TUSC3: variants seen among roughly 807,000 people sequenced by gnomAD.
The protein encoded by TUSC3 is tumor suppressor candidate 3.
TUSC3 carries 45 observed loss-of-function variants against 44.8 expected under a neutral mutation model. The observed-to-expected ratio is 1.00, with a 90% CI of 0.79 to 1.29. TUSC3 has a LOEUF of 1.29. Among genes scored for constraint, TUSC3 ranks in the 50% most tolerant of loss-of-function variants. The pLI is 0.00. For missense variants in TUSC3, 519 were observed against 437.9 expected (o/e 1.19, Z -1.65); for synonymous variants, 212 against 152.9 (o/e 1.39, Z -2.85).
intron 3 of TUSC3, among the ~76,000 whole-genome samples, chr8:15,652,757 A>T (rs1806970558): frequency 6.6e-6 from 1 of 152,134 alleles, no homozygotes; most frequent in South Asian, 2.1e-4. Flanking sequence ...GTATACTTGA[A>T]TCCTCTCTAT....
downstream of TUSC3, among the ~76,000 whole-genome samples, chr8:15,768,257 G>C (rs1247257741): frequency 2.6e-5 from 4 of 152,040 alleles, no homozygotes; most frequent in African/African-American, 9.7e-5. Flanking sequence ...ACATGTGACA[G>C]TTTAGAAAAG....
rs111959008 is a variant in TUSC3, at chr8:15,467,625, G to A, written n.92-15761G>A. ...TGCGCCTTGGGAAAACACTGATTTG[G>A]TTTCTATTGGAAACTGCTGTCCATG... On this transcript the variant is annotated intron_variant and non_coding_transcript_variant, in intron 1 of 5. Transcript: ENST00000503191. Among the ~76,000 whole-genome samples, 50 of 152,218 alleles carry A rather than the reference G, an allele frequency of 3.3e-4. 1 individual carries two copies. Among genetic ancestry groups the A allele is most frequent in the African/African-American group, 1.1e-3 (47 of 41,556 alleles).
At chr8:15,638,882 C>G (rs1004491026) in intron 2 of TUSC3, among the ~76,000 whole-genome samples, 1 of 152,082 alleles carries the variant, frequency 6.6e-6, no homozygotes, top group Admixed American at 6.5e-5. Context: ...TGCTAGATCA[C>G]GTGATGTTCA....
chr8:15,811,507 C>T, the TUSC3 span, among the ~76,000 whole-genome samples: 2 of 152,196 alleles, frequency 1.3e-5, no homozygotes, highest in African/African-American at 2.4e-5. Context: ...CTTCAGCCAG[C>T]TGTCAAGGAG....
intron 1 of TUSC3, among the ~76,000 whole-genome samples, chr8:15,541,075 A>T (rs1801674676): frequency 1.3e-5 from 2 of 152,090 alleles, no homozygotes; most frequent in Admixed American, 1.3e-4. Context: ...ATAAGCTTGC[A>T]TTTTTTATTT....
intron 2 of TUSC3, among the ~76,000 whole-genome samples, chr8:15,512,885 T>TATATATATAC (rs1358169360): frequency 1.1e-4 from 15 of 142,838 alleles, no homozygotes; most frequent in African/African-American, 3.2e-4. Context: ...TATATATATA[T>TATATATATAC]ACACACAATT....
chr8:15,664,919 C>T (rs1001281921), intron 5 of TUSC3, among the ~76,000 whole-genome samples: 3 of 150,920 alleles, frequency 2.0e-5, no homozygotes, highest in Non-Finnish European at 4.4e-5. Flanking sequence ...CCACCATTAC[C>T]ATCACCACCA....
intron 1 of TUSC3, among the ~76,000 whole-genome samples, chr8:15,440,120 C>T (rs1800001463): frequency 6.6e-6 from 1 of 152,136 alleles, no homozygotes; most frequent in South Asian, 2.1e-4. Context: ...AAAGAAGGAA[C>T]ATTTCTATGA....
At chr8:15,721,137 C>A (rs530386610) in intron 6 of TUSC3, among the ~76,000 whole-genome samples, 1 of 151,956 alleles carries the variant, frequency 6.6e-6, no homozygotes, top group African/African-American at 2.4e-5. Flanking sequence ...ATCTCCTAAT[C>A]ACCCCATAAG....
intron 1 of TUSC3, among the ~76,000 whole-genome samples, chr8:15,455,568 A>G (rs1800244758): frequency 1.3e-5 from 2 of 152,170 alleles, no homozygotes; most frequent in South Asian, 4.1e-4. Flanking sequence ...ATATGTATAC[A>G]TATACTTTTT....
chr8:15,613,161 C>G (rs911782846), intron 1 of TUSC3, among the ~76,000 whole-genome samples: 3 of 149,590 alleles, frequency 2.0e-5, no homozygotes, highest in Non-Finnish European at 4.4e-5. Flanking sequence ...GCCTTAAGGG[C>G]TTGAGAGTAG....
Position 15,546,709 on chromosome 8 carries a change from A to G in TUSC3, c.138+6141A>G, listed in dbSNP as rs550780390. Among the ~76,000 whole-genome samples the G allele has an allele frequency of 2.2e-4, 33 of 151,246 alleles. 1 individual carries two copies. The South Asian group carries it at 6.1e-3, about 28-fold the overall frequency. On this transcript the variant is annotated intron_variant, in intron 1 of 10. Transcript: ENST00000503731. ...CGCCACCATGCCTGGCTAATTTCGT[A>G]TTTTTAGTAGAGACAGGGTTTCTCC...
intron 2 of TUSC3, among the ~76,000 whole-genome samples, chr8:15,645,474 A>G (rs1191525838): frequency 2.6e-5 from 4 of 152,140 alleles, no homozygotes; most frequent in Admixed American, 6.5e-5. Context: ...GCTCACTATT[A>G]TCTCATCCTC....
the TUSC3 span, among the ~76,000 whole-genome samples, chr8:15,841,165 TTTTATATATATA>T: frequency 6.6e-6 from 1 of 151,708 alleles, no homozygotes; most frequent in Non-Finnish European, 1.5e-5. Context: ...CAGCTATATG[TTTTATATATATA>T]TATATACACA....
At chr8:15,818,705 T>C in the TUSC3 span, among the ~76,000 whole-genome samples, 1 of 152,274 alleles carries the variant, frequency 6.6e-6, no homozygotes, top group Non-Finnish European at 1.5e-5. Context: ...TTATGTCCTA[T>C]GACTGGGAGG....
intron 1 of TUSC3, among the ~76,000 whole-genome samples, chr8:15,437,103 C>G (rs1029755934): frequency 6.6e-6 from 1 of 152,106 alleles, no homozygotes; most frequent in African/African-American, 2.4e-5. Flanking sequence ...TAAGATATCT[C>G]TAAAACTGCA....
intron 1 of TUSC3, among the ~76,000 whole-genome samples, chr8:15,423,354 C>T (rs1053535592): frequency 3.3e-5 from 5 of 152,032 alleles, no homozygotes; most frequent in Admixed American, 2.0e-4. Context: ...GACTATGTAC[C>T]CTCATTCTGA....
the TUSC3 span, among the ~76,000 whole-genome samples, chr8:15,823,568 G>A: frequency 6.6e-6 from 1 of 152,078 alleles, no homozygotes; most frequent in African/African-American, 2.4e-5. Context: ...TAATGTATTT[G>A]AAGTATTTGA....
intron 9 of TUSC3, among the ~76,000 whole-genome samples, chr8:15,752,406 A>G (rs184551675): frequency 1.2e-4 from 18 of 152,256 alleles, no homozygotes; most frequent in African/African-American, 3.6e-4. Context: ...AGAAAGAAAT[A>G]TATGAAAAGG....
Sources: allele counts gnomAD v4.1 joint callset (sites outside exome capture counted in the v4.1 genomes callset), GRCh38; gene constraint gnomAD v4.1.1; transcripts MANE v1.5; gene names NCBI Gene and HGNC (gene_info 2026-07-23, HGNC 2026-07-21).